The following PSD3 variants were observed in gnomAD, a reference collection of about 807,000 sequenced individuals.
PSD3 encodes the protein pleckstrin and Sec7 domain containing 3.
PSD3 carries 49 observed loss-of-function variants against 105.5 expected under a neutral mutation model. That is an observed-to-expected ratio of 0.46 (90% CI 0.37 to 0.59). PSD3 has a LOEUF of 0.59. Ranked by LOEUF, PSD3 falls within the 20% of genes least tolerant of loss-of-function variation. PSD3 has a pLI of 0.00. For synonymous variants in PSD3, 557 were observed against 457.8 expected, an observed-to-expected ratio of 1.22 and a Z score of -2.77; for missense variants, 1,561 against 1,263.8, an observed-to-expected ratio of 1.24 and a Z score of -3.57.
At chr8:19,040,476 G>A (rs959940308) in intron 1 of PSD3, among the ~76,000 whole-genome samples, 8 of 152,188 alleles carry the variant, frequency 5.3e-5, no homozygotes, top group Non-Finnish European at 8.8e-5. Context: ...AAAGTGTTGG[G>A]ATTATAGGCG....
At chr8:18,573,051 G>C (rs1221880710) in intron 13 of PSD3, among the ~76,000 whole-genome samples, 1 of 152,194 alleles carries the variant, frequency 6.6e-6, no homozygotes, top group Non-Finnish European at 1.5e-5. Context: ...GAATGCATTG[G>C]TAGAGGGAAG....
chr8:18,880,285 C>A (rs185926546), intron 2 of PSD3, among the ~76,000 whole-genome samples: 2 of 152,222 alleles, frequency 1.3e-5, no homozygotes, highest in East Asian at 1.9e-4. Context: ...CTATTAAATG[C>A]CCATTGTTTC....
chr8:18,838,038 A>G (rs1814270547), intron 4 of PSD3, among the ~76,000 whole-genome samples: 1 of 152,198 alleles, frequency 6.6e-6, no homozygotes, highest in African/African-American at 2.4e-5. Context: ...TAATTTCTCT[A>G]CTAAAGAACA....
chr8:19,082,561 G>A (rs751025017), intron 1 of PSD3, among the ~76,000 whole-genome samples: 15 of 152,112 alleles, frequency 9.9e-5, no homozygotes, highest in South Asian at 2.1e-4. Context: ...AGCAGATGTC[G>A]GGGTCCCATT....
At chr8:19,031,449 A>G (rs1430849639) in intron 1 of PSD3, among the ~76,000 whole-genome samples, 2 of 151,992 alleles carry the variant, frequency 1.3e-5, no homozygotes. Flanking sequence ...TACTTTGTGG[A>G]GAAAAATCAC....
At chr8:18,806,388 A>G (rs895448492) in intron 4 of PSD3, among the ~76,000 whole-genome samples, 3 of 152,258 alleles carry the variant, frequency 2.0e-5, no homozygotes, top group Non-Finnish European at 4.4e-5. Context: ...CGCCCTAGAA[A>G]GGGCTTAAAG....
intron 4 of PSD3, among the ~76,000 whole-genome samples, chr8:18,810,859 A>C (rs1239286557): frequency 6.6e-6 from 1 of 152,242 alleles, no homozygotes; most frequent in Non-Finnish European, 1.5e-5. Flanking sequence ...TGGAACCAAC[A>C]GACAAGAGGG....
At chr8:18,589,191 G>A (rs1489696491) in intron 12 of PSD3, among the ~76,000 whole-genome samples, 4 of 152,114 alleles carry the variant, frequency 2.6e-5, no homozygotes, top group Admixed American at 2.0e-4. Context: ...TAAACTAGAA[G>A]CTTATAGGAC....
chr8:19,041,931 ACAAT>A (rs920470217), intron 1 of PSD3, among the ~76,000 whole-genome samples: 5 of 152,120 alleles, frequency 3.3e-5, no homozygotes, highest in Non-Finnish European at 7.3e-5. Flanking sequence ...GACGAAAGAC[ACAAT>A]CAGAACTGCA....
chr8:18,877,592 A>C (rs924189753), intron 2 of PSD3, among the ~76,000 whole-genome samples: 1 of 143,774 alleles, frequency 7.0e-6, no homozygotes, highest in Non-Finnish European at 1.5e-5. Flanking sequence ...CCCTGGCTGG[A>C]GTACGGTGGT....
Position 18,804,918 on chromosome 8 carries a change from G to A in PSD3, c.1635-20C>T. On this transcript the variant is annotated intron_variant, in intron 4 of 15. Transcript: ENST00000327040. ...GCATTGCTATGATAATTGATAAAGA[G>A]AGAAAATAATAGATTTTTCTTATAT... The A allele has an allele frequency of 6.5e-7, 1 of 1,545,110 alleles. No individual in the cohort carries two copies. Among genetic ancestry groups the A allele is most frequent in the East Asian group, 2.2e-5 (1 of 44,504 alleles).
intron 10 of PSD3, among the ~76,000 whole-genome samples, chr8:18,634,592 T>C (rs945147342): frequency 1.3e-5 from 2 of 152,188 alleles, no homozygotes; most frequent in Non-Finnish European, 2.9e-5. Context: ...CTTTAGCGTC[T>C]TCCAGTCTGT....
At chr8:18,748,174 A>ACT (rs1322322992) in intron 9 of PSD3, among the ~76,000 whole-genome samples, 3 of 152,096 alleles carry the variant, frequency 2.0e-5, no homozygotes, top group African/African-American at 7.2e-5. Flanking sequence ...ATGTATACAC[A>ACT]CTTTAAAAGG....
chr8:19,042,534 T>C (rs1037591497), intron 1 of PSD3, among the ~76,000 whole-genome samples: 2 of 152,264 alleles, frequency 1.3e-5, no homozygotes, highest in African/African-American at 2.4e-5. Flanking sequence ...TTTTGTGTTT[T>C]GTTTTTCAAT....
chr8:18,978,685 G>A (rs1825086402), intron 1 of PSD3, among the ~76,000 whole-genome samples: 1 of 152,116 alleles, frequency 6.6e-6, no homozygotes, highest in Admixed American at 6.5e-5. Context: ...CCACTGCCAG[G>A]CTCCGCAGCT....
In PSD3 at chr8:18,656,561, G is replaced by A. The variant is rs570631699; in HGVS notation, c.2173-876C>T. 5.3e-5 allele frequency among the ~76,000 whole-genome samples: 8 copies of A among 152,260 alleles called. No homozygotes were observed. The East Asian group carries it at 1.5e-3, about 29-fold the overall frequency. ...TACAGTTAAGTATTACATTTTGGGT[G>A]TGTGTGGTTGTGGCAGATTGGATAA... On this transcript the variant is annotated intron_variant, in intron 9 of 15. Coordinates refer to ENST00000327040, the MANE Select transcript of PSD3 (RefSeq NM_015310.4).
intron 2 of PSD3, among the ~76,000 whole-genome samples, chr8:18,889,410 C>T (rs1020233629): frequency 6.6e-6 from 1 of 152,096 alleles, no homozygotes; most frequent in African/African-American, 2.4e-5. Context: ...ATATACAAAC[C>T]AACCAATCCA....
At chr8:18,574,522 A>T (rs1401335060) in intron 13 of PSD3, among the ~76,000 whole-genome samples, 1 of 152,134 alleles carries the variant, frequency 6.6e-6, no homozygotes, top group East Asian at 1.9e-4. Context: ...CCTCCCCCTA[A>T]AACTGGCAAT....
intron 1 of PSD3, among the ~76,000 whole-genome samples, chr8:18,988,901 C>A (rs1278251970): frequency 6.6e-6 from 1 of 152,160 alleles, no homozygotes. Context: ...GGAATGTAAG[C>A]GCTTGCCATT....
Sources: gnomAD v4.1 joint callset for allele counts (sites outside exome capture counted in the v4.1 genomes callset) on GRCh38, gnomAD v4.1.1 for gene constraint, MANE v1.5 for transcripts, NCBI Gene and HGNC (gene_info 2026-07-23, HGNC 2026-07-21) for gene names.